The following PTCD2 variants were observed in gnomAD, a reference collection of about 807,000 sequenced individuals.
The protein encoded by PTCD2 is pentatricopeptide repeat-containing protein 2, mitochondrial.
PTCD2 carries 31 observed loss-of-function variants against 42.6 expected under a neutral mutation model. That is an observed-to-expected ratio of 0.73 (90% confidence interval 0.55 to 0.98). PTCD2 has a LOEUF of 0.98. Among genes scored for constraint, PTCD2 ranks in the 50% least tolerant of loss-of-function variants. The pLI is 0.00. For synonymous variants in PTCD2, 183 were observed against 170.9 expected, an observed-to-expected ratio of 1.07 and a Z score of -0.55; for missense variants, 476 against 454.8, an observed-to-expected ratio of 1.05 and a Z score of -0.42.
At chr5:72,333,038 T>A (rs1751523544) in intron 4 of PTCD2, among the ~76,000 whole-genome samples, 1 of 152,214 alleles carries the variant, frequency 6.6e-6, no homozygotes. Flanking sequence ...TACATTGTGA[T>A]TCTAAAATAT....
Position 72,343,052 on chromosome 5 carries a change from ATGGTTT to A in PTCD2, c.828+17_828+22del. 1 of 1,464,678 alleles carries A rather than the reference ATGGTTT, an allele frequency of 6.8e-7. No individual in the cohort carries two copies. The highest frequency in any genetic ancestry group is 9.4e-7 in the Non-Finnish European group (1 of 1,062,864). 90.7% of individuals were successfully genotyped at this position (1,464,678 alleles called of 1,614,324 possible). On this transcript the variant is annotated intron_variant, in intron 8 of 9. Coordinates refer to ENST00000380639, the MANE Select transcript of PTCD2 (RefSeq NM_024754.5). ...TAATTTAAATGTAAGTGATTTCTTT[ATGGTTT>A]AAGGTAAGCCTTGAAATGTATTATA...
chr5:72,342,945 GT>G lies in PTCD2; in HGVS notation c.754-14del. The G allele has an allele frequency of 6.5e-7, 1 of 1,528,562 alleles. No individual in the cohort carries two copies. Among genetic ancestry groups the G allele is most frequent in the African/African-American group, 1.4e-5 (1 of 72,722 alleles). The allele number at this position is 1,528,562 out of a possible 1,614,324, so 94.7% of individuals were successfully genotyped here. On this transcript the variant is annotated splice_polypyrimidine_tract_variant and intron_variant, in intron 7 of 9. Coordinates refer to ENST00000380639, the MANE Select transcript of PTCD2 (RefSeq NM_024754.5). ...GTTCCTATGATATGGAATATGATTT[GT>G]TTCTCTTCCTTCTAGAATGAGATGG...
At position 72,358,814 on chromosome 5, in the gene PTCD2, A is replaced by G. The variant is rs1040975434; in HGVS notation, c.*387A>G. 1.8e-5 allele frequency: 4 copies of G among 226,436 alleles called. No homozygotes were observed. In the South Asian group the frequency reaches 3.0e-4, roughly 17 times the overall value. The allele number at this position is 226,436 out of a possible 1,614,324, so 14.0% of individuals were successfully genotyped here. A position where few individuals can be genotyped will look rare whatever the true frequency, so the allele number is the denominator to read the frequency against. ...TTACTTGCAAATTACATCCTTGCTGAATTCAGGAGGTATGAAACCCTATTT... is the reference window on the plus strand; with the variant it reads ...TTACTTGCAAATTACATCCTTGCTGGATTCAGGAGGTATGAAACCCTATTT... On this transcript the variant is annotated 3_prime_UTR_variant, in exon 10 of 10. Coordinates refer to ENST00000380639, the MANE Select transcript of PTCD2 (RefSeq NM_024754.5).
intron 8 of PTCD2, among the ~76,000 whole-genome samples, chr5:72,344,518 A>G (rs1752250303): frequency 6.6e-6 from 1 of 152,148 alleles, no homozygotes; most frequent in African/African-American, 2.4e-5. Flanking sequence ...ATCTCAAAAA[A>G]AAGAATATGA....
At position 72,322,241 on chromosome 5, in the gene PTCD2, C is replaced by A; in HGVS notation, c.197C>A (p.Ala66Glu). The A allele has an allele frequency of 6.3e-7, 1 of 1,593,790 alleles. No individual in the cohort carries two copies. Among genetic ancestry groups the A allele is most frequent in the Non-Finnish European group, 8.6e-7 (1 of 1,162,056 alleles). The change falls in exon 2 of 10, where the codon GCA becomes GAA. Residue 66 changes from alanine (A) to glutamate (E), a missense_variant. Physicochemically the swap from Ala to Glu is moderately radical, Grantham distance 107. Coordinates refer to ENST00000380639, the MANE Select transcript of PTCD2 (RefSeq NM_024754.5). ...KEFQQKKVAV[A>E]CNLSGTKETY... ...TTTCAACAAAAGAAAGTGGCTGTTG[C>A]ATGTAATCTTTCTGGCACTAAAGGT...
At chr5:72,358,027 T>G (rs1186322451) in intron 9 of PTCD2, among the ~76,000 whole-genome samples, 176 bp from the exon 10 acceptor site, 6 of 152,192 alleles carry the variant, frequency 3.9e-5, no homozygotes, top group Admixed American at 3.9e-4. Flanking sequence ...CTAGAAATCC[T>G]GTGCTCAAGC....
rs557034227 is a variant in PTCD2, at chr5:72,332,183, A to G, written c.468+808A>G. On this transcript the variant is annotated intron_variant, in intron 4 of 9. Transcript: ENST00000380639. Reference sequence around the variant, plus strand: ...TTTTGTATATTTAGGAACTTACATAACAAGTTGAGTTGTTCTTCTGCCTCT... The same window carrying G: ...TTTTGTATATTTAGGAACTTACATAGCAAGTTGAGTTGTTCTTCTGCCTCT... Among the ~76,000 whole-genome samples the G allele has an allele frequency of 2.6e-5, 4 of 152,308 alleles. No homozygotes were observed. The South Asian group carries it at 8.3e-4, about 32-fold the overall frequency.
intron 8 of PTCD2, among the ~76,000 whole-genome samples, chr5:72,347,834 A>T (rs78830351): frequency 1.3e-5 from 2 of 152,122 alleles, no homozygotes; most frequent in African/African-American, 2.4e-5. Flanking sequence ...TGATGAAAAA[A>T]GTGTGTGCTT....
chr5:72,361,050 T>A lies in PTCD2; in HGVS notation c.*2623T>A, dbSNP rs1753084304. 1 of 152,230 alleles carries A rather than the reference T, an allele frequency of 6.6e-6. No individual in the cohort carries two copies. The highest frequency in any genetic ancestry group is 1.5e-5 in the Non-Finnish European group (1 of 68,032). 9.4% of individuals were successfully genotyped at this position (152,230 alleles called of 1,614,324 possible). A position where few individuals can be genotyped will look rare whatever the true frequency, so the allele number is the denominator to read the frequency against. On this transcript the variant is annotated 3_prime_UTR_variant, in exon 10 of 10. Transcript: ENST00000380639. Reference sequence around the variant, plus strand: ...CATCTTATTCCTTAACTCTGTTATGTGCTTTTGTAGATTGTTTTTACTTAC... The same window carrying A: ...CATCTTATTCCTTAACTCTGTTATGAGCTTTTGTAGATTGTTTTTACTTAC...
chr5:72,358,682 C>T lies in PTCD2; in HGVS notation c.*255C>T. 5 of 513,362 alleles carry T rather than the reference C, an allele frequency of 9.7e-6. No individual in the cohort carries two copies. The South Asian group carries it at 1.1e-4, about 12-fold the overall frequency. 31.8% of individuals were successfully genotyped at this position (513,362 alleles called of 1,614,324 possible). A position where few individuals can be genotyped will look rare whatever the true frequency, so the allele number is the denominator to read the frequency against. ...CATGGCTGAGGATCCTTGAAGGAAC[C>T]TGGTCAGTCTCCGGTTCAGCTTCCG... On this transcript the variant is annotated 3_prime_UTR_variant, in exon 10 of 10. Transcript: ENST00000380639.
intron 8 of PTCD2, among the ~76,000 whole-genome samples, chr5:72,352,159 A>ATTTTT (rs1328796195): frequency 1.3e-5 from 2 of 151,842 alleles, no homozygotes; most frequent in South Asian, 4.2e-4. Flanking sequence ...ATTTTATTTT[A>ATTTTT]TTTTTTTGAG....
intron 9 of PTCD2, among the ~76,000 whole-genome samples, chr5:72,354,316 G>A (rs1203756934): frequency 8.1e-6 from 1 of 123,150 alleles, no homozygotes; most frequent in African/African-American, 3.1e-5. Flanking sequence ...CACGAGAATC[G>A]TTTGAACTAG....
chr5:72,334,996 C>T (rs1561382954), intron 4 of PTCD2, 22 bp from the exon 5 acceptor site: 2 of 1,487,942 alleles, frequency 1.3e-6, no homozygotes, highest in Admixed American at 3.4e-5. Context: ...TTTAACCAAA[C>T]TGTATTGTTC....
In PTCD2 at chr5:72,360,666, T is replaced by A. The variant is rs1422665477; in HGVS notation, c.*2239T>A. 1 of 152,008 alleles carries A rather than the reference T, an allele frequency of 6.6e-6. No individual in the cohort carries two copies. The highest frequency in any genetic ancestry group is 1.5e-5 in the Non-Finnish European group (1 of 67,988). The allele number at this position is 152,008 out of a possible 1,614,324, so 9.4% of individuals were successfully genotyped here. ...TAAGCAGTAGTTTGCCTACATCATT[T>A]ACTTGTTTTTTTCTGCTTTGGGGTT... On this transcript the variant is annotated 3_prime_UTR_variant, in exon 10 of 10. Transcript: ENST00000380639.
In PTCD2 at chr5:72,368,193, A is replaced by G. The variant is rs530069406; in HGVS notation, c.*9766A>G. 2 of 152,344 alleles carry G rather than the reference A, an allele frequency of 1.3e-5. No homozygotes were observed. The highest frequency in any genetic ancestry group is 4.1e-4 in the South Asian group (2 of 4,822). 9.4% of individuals were successfully genotyped at this position (152,344 alleles called of 1,614,324 possible). On this transcript the variant is annotated 3_prime_UTR_variant, in exon 10 of 10. Coordinates refer to ENST00000380639, the MANE Select transcript of PTCD2 (RefSeq NM_024754.5). ...TCTTATATGCAAAACACCTAGATAG[A>G]TGCAGAGTGTGGGACAAAGACAACC...
At chr5:72,353,472 G>A (rs900078643) in intron 9 of PTCD2, among the ~76,000 whole-genome samples, 1 of 152,120 alleles carries the variant, frequency 6.6e-6, no homozygotes, top group Non-Finnish European at 1.5e-5. Context: ...AAGTTACTGT[G>A]ATAATGTAAT....
Position 72,320,493 on chromosome 5 carries a change from C to G in PTCD2, c.111C>G (p.Cys37Trp). The G allele has an allele frequency of 2.5e-6, 4 of 1,614,012 alleles. No homozygotes were observed. Among genetic ancestry groups the G allele is most frequent in the Non-Finnish European group, 3.4e-6 (4 of 1,180,020 alleles). The part of the protein sequence containing the change: ...PGVGGSGSVS[C>W]RCPLGAKRYL... ...TGGGAGGCTCCGGCTCTGTCAGCTG[C>G]CGCTGCCCTCTCGGAGGTATCCGCG... Residue 37 changes from cysteine (C) to tryptophan (W), a missense_variant, in exon 1 of 10, where the codon TGC becomes TGG. Cys to Trp is a radical substitution (Grantham distance 215). Coordinates refer to ENST00000380639, the MANE Select transcript of PTCD2 (RefSeq NM_024754.5).
At chr5:72,347,966 T>C (rs1252243067) in intron 8 of PTCD2, among the ~76,000 whole-genome samples, 2 of 152,206 alleles carry the variant, frequency 1.3e-5, no homozygotes, top group African/African-American at 4.8e-5. Flanking sequence ...GAAGTGATAC[T>C]GAGTATGAAT....
At position 72,346,191 on chromosome 5, in the gene PTCD2, G is replaced by T. The variant is rs576135479; in HGVS notation, c.828+3155G>T. On this transcript the variant is annotated intron_variant, in intron 8 of 9. Transcript: ENST00000380639. ...GTGATAACAGAGAACTTGAAAAAAT[G>T]AAATGGGTTTGTAATGGAAGAAACA... 5.3e-5 allele frequency among the ~76,000 whole-genome samples: 8 copies of T among 152,320 alleles called. No homozygotes were observed. In the South Asian group the frequency reaches 1.7e-3, roughly 32 times the overall value.
Sources: gnomAD v4.1 joint callset for allele counts (sites outside exome capture counted in the v4.1 genomes callset) on GRCh38, gnomAD v4.1.1 for gene constraint, MANE v1.5 for transcripts, NCBI Gene and HGNC (gene_info 2026-07-23, HGNC 2026-07-21) for gene names.